The following MAP2 variants were observed in gnomAD, a reference collection of about 807,000 sequenced individuals.
MAP2 encodes microtubule-associated protein 2.
MAP2 carries 14 observed loss-of-function variants against 137.6 expected under a neutral mutation model. That is an observed-to-expected ratio of 0.10 (90% CI 0.07 to 0.16). The LOEUF (loss-of-function observed/expected upper bound fraction) is 0.16. Ranked by LOEUF, MAP2 falls within the 10% of genes least tolerant of loss-of-function variation. MAP2 has a pLI of 1.00. For missense variants in MAP2, 2,088 were observed against 2,191.5 expected (o/e 0.95, Z 0.94); for synonymous variants, 786 against 782.3 (o/e 1.00, Z -0.08).
At chr2:209,610,135 T>C (rs527830441) in intron 3 of MAP2, among the ~76,000 whole-genome samples, 1 of 152,230 alleles carries the variant, frequency 6.6e-6, no homozygotes, top group East Asian at 1.9e-4. Context: ...ATATTTTAGC[T>C]GTGATCTATG....
chr2:209,450,725 T>C (rs956575830), intron 1 of MAP2, among the ~76,000 whole-genome samples: 3 of 152,174 alleles, frequency 2.0e-5, no homozygotes, highest in African/African-American at 7.2e-5. Context: ...TACTATGTGA[T>C]TAAGGACTGT....
chr2:209,723,745 C>G, intron 13 of MAP2: 2 of 1,137,118 alleles, frequency 1.8e-6, no homozygotes, highest in East Asian at 2.4e-5. Flanking sequence ...CCTGCACAGC[C>G]AGCACCCTGC....
chr2:209,693,674 A>T lies in MAP2; in HGVS notation c.1504A>T (p.Ser502Cys), dbSNP rs770938168. ...GTTGAAACAGGACTCGTTCCCTGTAAGTTTGGAGCAAGCAGTTACAGATTC... is the reference window on the plus strand; with the variant it reads ...GTTGAAACAGGACTCGTTCCCTGTATGTTTGGAGCAAGCAGTTACAGATTC... ...DMLKQDSFPV[S>C]LEQAVTDSAM... The change falls in exon 8 of 16, where the codon AGT becomes TGT. Residue 502 changes from serine (S) to cysteine (C), a missense_variant. Physicochemically the swap from Ser to Cys is moderately radical, Grantham distance 112 (BLOSUM62 -1). This residue lies in a region of MAP2 where 859 missense variants were observed against 794.5 expected (regional missense o/e 1.08). Transcript: ENST00000682079. 1 of 1,613,630 alleles carries T rather than the reference A, an allele frequency of 6.2e-7. No homozygotes were observed. The highest frequency in any genetic ancestry group is 1.3e-5 in the African/African-American group (1 of 74,912).
chr2:209,709,226 A>G (rs1226219269), intron 12 of MAP2, among the ~76,000 whole-genome samples: 2 of 152,104 alleles, frequency 1.3e-5, no homozygotes, highest in East Asian at 1.9e-4. Flanking sequence ...CTCACTGGGA[A>G]TATATTGTTG....
At chr2:209,476,172 C>G (rs999039393) in intron 1 of MAP2, among the ~76,000 whole-genome samples, 1 of 152,008 alleles carries the variant, frequency 6.6e-6, no homozygotes. Context: ...AAAGCCTTCT[C>G]GAGACCATGA....
intron 1 of MAP2, among the ~76,000 whole-genome samples, chr2:209,444,144 T>C (rs897459568): frequency 6.6e-6 from 1 of 151,580 alleles, no homozygotes; most frequent in African/African-American, 2.4e-5. Flanking sequence ...ATAAATGATT[T>C]ACCAAGCACA....
chr2:209,611,838 A>G (rs1437862402), intron 3 of MAP2, among the ~76,000 whole-genome samples: 1 of 152,184 alleles, frequency 6.6e-6, no homozygotes, highest in Non-Finnish European at 1.5e-5. Context: ...AGGCAGAAAA[A>G]GTGTGAAAAT....
intron 3 of MAP2, among the ~76,000 whole-genome samples, chr2:209,586,113 A>G (rs1247712325): frequency 1.3e-5 from 2 of 152,154 alleles, no homozygotes; most frequent in African/African-American, 4.8e-5. Context: ...TATGAAAACA[A>G]TAGGAAAATA....
chr2:209,690,971 A>G (rs990183650), intron 7 of MAP2: 56 of 951,246 alleles, frequency 5.9e-5, no homozygotes, highest in Non-Finnish European at 6.6e-5. Context: ...TAACAAGTCC[A>G]CTGTTGTAGG....
At chr2:209,529,525 A>G (rs981709012) in intron 2 of MAP2, among the ~76,000 whole-genome samples, 10 of 152,186 alleles carry the variant, frequency 6.6e-5, no homozygotes, top group African/African-American at 2.4e-4. Context: ...CAACTCTTCA[A>G]GAAAAAATAT....
intron 1 of MAP2, among the ~76,000 whole-genome samples, chr2:209,475,599 A>AT (rs1433278524): frequency 6.6e-6 from 1 of 152,108 alleles, no homozygotes; most frequent in Non-Finnish European, 1.5e-5. Context: ...GGTCAAATCA[A>AT]TATTGTTATG....
chr2:209,699,658 T>C (rs1316750305), intron 10 of MAP2, among the ~76,000 whole-genome samples: 2 of 152,170 alleles, frequency 1.3e-5, no homozygotes, highest in African/African-American at 2.4e-5. Context: ...GAACTTAAAT[T>C]TTCTCTCGTG....
At chr2:209,676,481 C>A (rs1337038456) in intron 5 of MAP2, among the ~76,000 whole-genome samples, 1 of 151,332 alleles carries the variant, frequency 6.6e-6, no homozygotes, top group East Asian at 1.9e-4. Flanking sequence ...TACAACAAGC[C>A]CCCATGACAC....
At chr2:209,619,272 A>G (rs1325766299) in intron 3 of MAP2, among the ~76,000 whole-genome samples, 2 of 152,150 alleles carry the variant, frequency 1.3e-5, no homozygotes, top group South Asian at 4.1e-4. Flanking sequence ...AACAGAATAG[A>G]TTGTAAATGT....
chr2:209,435,947 CT>C (rs1559159082), intron 1 of MAP2, among the ~76,000 whole-genome samples: 6 of 53,852 alleles, frequency 1.1e-4, no homozygotes, highest in African/African-American at 2.4e-4. Flanking sequence ...ATAATATATA[CT>C]ATATATACAG....
chr2:209,531,435 G>A lies in MAP2; in HGVS notation c.-172+23794G>A, dbSNP rs1379912442. ...GTGGTTATTACATTTGATTGCTAGA[G>A]TAGAGAAAATACAAACACTTTTTTT... is the stretch of plus-strand genomic sequence containing the variant. On this transcript the variant is annotated intron_variant, in intron 2 of 15. Transcript: ENST00000682079. Among the ~76,000 whole-genome samples the A allele has an allele frequency of 3.3e-5, 5 of 152,270 alleles. No homozygotes were observed. The South Asian group carries it at 1.0e-3, about 32-fold the overall frequency.
Position 209,695,157 on chromosome 2 carries a change from A to G in MAP2, c.2987A>G (p.Tyr996Cys), listed in dbSNP as rs777692339. Residue 996 changes from tyrosine (Y) to cysteine (C), a missense_variant, in exon 8 of 16, where the codon TAT becomes TGT. Tyr to Cys is a radical substitution (Grantham distance 194). Coordinates refer to ENST00000682079, the MANE Select transcript of MAP2 (RefSeq NM_001375505.1). ...EIETFGLGVT[Y>C]EQALAKDLSI... is the part of the protein sequence containing the mutation. ...GAAACATTCGGATTAGGAGTAACCT[A>G]TGAGCAAGCTTTGGCCAAAGATTTG... The G allele has an allele frequency of 9.9e-6, 16 of 1,614,094 alleles. No homozygotes were observed. The East Asian group carries it at 1.1e-4, about 11-fold the overall frequency.
chr2:209,707,531 C>T (rs893494953), intron 12 of MAP2, among the ~76,000 whole-genome samples: 2 of 151,988 alleles, frequency 1.3e-5, no homozygotes, highest in Admixed American at 1.3e-4. Flanking sequence ...GAAGCTCATC[C>T]GCCCAAGAGG....
At chr2:209,652,002 G>A (rs562614168) in intron 4 of MAP2, among the ~76,000 whole-genome samples, 1 of 151,982 alleles carries the variant, frequency 6.6e-6, no homozygotes, top group African/African-American at 2.4e-5. Flanking sequence ...TACTTTTTTG[G>A]AAAAAGGAAG....
Sources: gnomAD v4.1 joint callset for allele counts (sites outside exome capture counted in the v4.1 genomes callset) on GRCh38, gnomAD v4.1.1 for gene constraint, gnomAD v4.1.1 regional missense constraint, MANE v1.5 for transcripts, NCBI Gene and HGNC (gene_info 2026-07-23, HGNC 2026-07-21) for gene names.